The following DPH6 variants were observed in gnomAD, a reference collection of about 807,000 sequenced individuals.
DPH6 encodes diphthamine biosynthesis 6, also known as diphthine--ammonia ligase.
DPH6 carries 33 observed loss-of-function variants against 38.2 expected under a neutral mutation model. That is an observed-to-expected ratio of 0.86 (90% CI 0.65 to 1.15). DPH6 has a LOEUF of 1.15. Among genes scored for constraint, DPH6 ranks in the 50% most tolerant of loss-of-function variants. The probability of loss-of-function intolerance (pLI) is 0.00; values close to 1 mark genes in which losing one functional copy is unlikely to be tolerated. For missense variants in DPH6, 325 were observed against 320.0 expected, an observed-to-expected ratio of 1.02 and a Z score of -0.12; for synonymous variants, 108 against 103.0, an observed-to-expected ratio of 1.05 and a Z score of -0.30.
intron 3 of DPH6, among the ~76,000 whole-genome samples, chr15:35,297,498 T>C (rs564059456): frequency 2.6e-5 from 4 of 152,222 alleles, no homozygotes; most frequent in Middle Eastern, 3.4e-3. Context: ...AATTCTTTAT[T>C]TTTTTCCCCC....
chr15:35,460,267 T>C (rs976901362), intron 3 of DPH6, among the ~76,000 whole-genome samples: 2 of 152,238 alleles, frequency 1.3e-5, no homozygotes, highest in African/African-American at 2.4e-5. Context: ...TGAATGAATA[T>C]TTATTACTAA....
At chr15:35,436,206 C>T (rs901972815) in intron 5 of DPH6, among the ~76,000 whole-genome samples, 17 of 152,018 alleles carry the variant, frequency 1.1e-4, no homozygotes, top group Non-Finnish European at 1.2e-4. Context: ...GTGGCTCATG[C>T]CTGTAATCCC....
rs1474041957 is a variant in DPH6 at position 35,449,857 on chromosome 15, T to C, written c.505+828A>G. On this transcript the variant is annotated intron_variant, in intron 5 of 8. Coordinates refer to ENST00000256538, the MANE Select transcript of DPH6 (RefSeq NM_080650.4). ...GGGTCTGTACTATTTCTCTTAATTTTATTTAAAAACTGAATGTATCTGTAA... is the reference window on the plus strand; with the variant it reads ...GGGTCTGTACTATTTCTCTTAATTTCATTTAAAAACTGAATGTATCTGTAA... 3.3e-5 allele frequency among the ~76,000 whole-genome samples: 5 copies of C among 152,104 alleles called. 1 individual carries two copies. Among genetic ancestry groups the C allele is most frequent in the Admixed American group, 3.3e-4 (5 of 15,276 alleles).
intron 3 of DPH6, chr15:35,519,908 A>C (rs1431777306): frequency 2.6e-5 from 4 of 152,002 alleles, no homozygotes; most frequent in Non-Finnish European, 1.5e-5. Flanking sequence ...GAAAAAACTT[A>C]ACAAAAACAA....
At chr15:35,347,773 C>G (rs1358039068) in intron 3 of DPH6, among the ~76,000 whole-genome samples, 2 of 151,912 alleles carry the variant, frequency 1.3e-5, no homozygotes, top group Non-Finnish European at 1.5e-5. Flanking sequence ...CACCAAAGTG[C>G]ATGAGGGTTC....
chr15:35,310,945 G>C (rs1363724794), intron 3 of DPH6, among the ~76,000 whole-genome samples: 1 of 151,682 alleles, frequency 6.6e-6, no homozygotes, highest in Admixed American at 6.6e-5. Flanking sequence ...TGTAATCCCA[G>C]CTACTCAGAA....
At chr15:35,188,545 C>T in the DPH6 span, among the ~76,000 whole-genome samples, 1 of 152,176 alleles carries the variant, frequency 6.6e-6, no homozygotes, top group African/African-American at 2.4e-5. Flanking sequence ...TACTTGACTT[C>T]CTTTCATTCC....
intron 3 of DPH6, chr15:35,237,985 TGAA>T (rs1361030047): frequency 6.1e-6 from 9 of 1,463,872 alleles, no homozygotes; most frequent in Middle Eastern, 1.7e-4. Context: ...ATGAGGAAGA[TGAA>T]GAAGAGCTCC....
chr15:35,255,310 C>T (rs1008612189), intron 3 of DPH6, among the ~76,000 whole-genome samples: 2 of 152,126 alleles, frequency 1.3e-5, no homozygotes, highest in Non-Finnish European at 2.9e-5. Flanking sequence ...AATAGACCTG[C>T]TGTTCTGAAA....
intron 3 of DPH6, among the ~76,000 whole-genome samples, chr15:35,305,897 T>A (rs141735652): frequency 3.9e-4 from 59 of 152,304 alleles, no homozygotes; most frequent in African/African-American, 1.3e-3. Flanking sequence ...TTGTTTTGGG[T>A]AATTGTATTG....
At chr15:35,210,820 G>A in the DPH6 span, among the ~76,000 whole-genome samples, 2 of 152,000 alleles carry the variant, frequency 1.3e-5, no homozygotes, top group Non-Finnish European at 2.9e-5. Flanking sequence ...GATAGGGGCT[G>A]TGGGTTTCAG....
At chr15:35,521,858 C>T (rs1472005178) in intron 3 of DPH6, 1 of 1,344,352 alleles carries the variant, frequency 7.4e-7, no homozygotes, top group African/African-American at 1.5e-5. Flanking sequence ...AAGTGATTAG[C>T]AGTCATTAAT....
rs2051603015 is a variant in DPH6, at chr15:35,241,989, T to G, written n.201-21407A>C. On this transcript the variant is annotated intron_variant and non_coding_transcript_variant, in intron 3 of 3. Transcript: ENST00000560386. ...CATATACTCTCCTATCCTCAATACCTCCCTCCACAATCCATTATTCTGTTC... is the reference window on the plus strand; with the variant it reads ...CATATACTCTCCTATCCTCAATACCGCCCTCCACAATCCATTATTCTGTTC... Among the ~76,000 whole-genome samples the G allele has an allele frequency of 1.4e-5, 2 of 143,926 alleles. 1 individual carries two copies. The highest frequency in any genetic ancestry group is 4.8e-4 in the South Asian group (2 of 4,186). The allele number at this position is 143,926 out of a possible 152,430, so 94.4% of individuals were successfully genotyped here.
chr15:35,495,283 C>T (rs1032581841), intron 3 of DPH6, among the ~76,000 whole-genome samples: 1 of 152,090 alleles, frequency 6.6e-6, no homozygotes, highest in African/African-American at 2.4e-5. Flanking sequence ...GATTATAACA[C>T]AGACATTGTT....
At chr15:35,282,180 GT>G (rs1157533531) in intron 3 of DPH6, among the ~76,000 whole-genome samples, 2 of 151,854 alleles carry the variant, frequency 1.3e-5, no homozygotes, top group East Asian at 3.9e-4. Context: ...TTTTCTTTTT[GT>G]TTTTAAATGA....
At chr15:35,167,440 AAAAAAAATGACAAAATT>A in the DPH6 span, among the ~76,000 whole-genome samples, 1 of 151,288 alleles carries the variant, frequency 6.6e-6, no homozygotes, top group Non-Finnish European at 1.5e-5. Flanking sequence ...TTTCAATTAA[AAAAAAAATGACAAAATT>A]AAAAAAGAAC....
At chr15:35,262,565 G>T (rs1320335096) in intron 3 of DPH6, among the ~76,000 whole-genome samples, 1 of 151,940 alleles carries the variant, frequency 6.6e-6, no homozygotes, top group Non-Finnish European at 1.5e-5. Context: ...AATTAGCTGG[G>T]CGTGGTGGCG....
At chr15:35,335,683 C>T (rs1198916491) in intron 3 of DPH6, among the ~76,000 whole-genome samples, 2 of 151,570 alleles carry the variant, frequency 1.3e-5, no homozygotes, top group East Asian at 3.9e-4. Flanking sequence ...TGTCAAAGAT[C>T]AGATGATTGT....
chr15:35,495,870 GGAATA>G (rs971039240), intron 3 of DPH6, among the ~76,000 whole-genome samples: 1 of 151,588 alleles, frequency 6.6e-6, no homozygotes, highest in African/African-American at 2.4e-5. Context: ...ATTAACTTAT[GGAATA>G]GAATAAAGAG....
Sources: gnomAD v4.1 joint callset for allele counts (sites outside exome capture counted in the v4.1 genomes callset) on GRCh38, gnomAD v4.1.1 for gene constraint, MANE v1.5 for transcripts, NCBI Gene and HGNC (gene_info 2026-07-23, HGNC 2026-07-21) for gene names.